Variants in SLC4A10 observed in about 807,000 individuals in gnomAD.
The protein encoded by SLC4A10 is solute carrier family 4 member 10.
A neutral mutation model predicts 137.7 loss-of-function variants in SLC4A10; 42 were observed. The observed-to-expected ratio is 0.30, with a 90% CI of 0.24 to 0.39. The LOEUF (loss-of-function observed/expected upper bound fraction) is 0.39, where lower values mean the gene tolerates loss of function less well. SLC4A10 is among the 10% of genes least tolerant of loss of function. The pLI, the probability that SLC4A10 is intolerant of heterozygous loss-of-function variation, is 1.00. For synonymous variants in SLC4A10, 474 were observed against 464.1 expected (o/e 1.02, Z -0.27); for missense variants, 925 against 1,355.0 (o/e 0.68, Z 4.98).
At chr2:161,715,650 A>G (rs903841437) in intron 1 of SLC4A10, among the ~76,000 whole-genome samples, 1 of 151,998 alleles carries the variant, frequency 6.6e-6, no homozygotes, top group African/African-American at 2.4e-5. Context: ...CTCCATCCAT[A>G]TCCCTGTAAA....
intron 3 of SLC4A10, among the ~76,000 whole-genome samples, chr2:161,834,040 G>T (rs2058604751): frequency 6.6e-6 from 1 of 152,204 alleles, no homozygotes; most frequent in Non-Finnish European, 1.5e-5. Context: ...GTTCCACCAT[G>T]ACCATTTCTG....
chr2:161,639,677 G>A (rs889411250), intron 1 of SLC4A10, among the ~76,000 whole-genome samples: 2 of 152,078 alleles, frequency 1.3e-5, no homozygotes, highest in African/African-American at 4.8e-5. Context: ...ACTTGAATGG[G>A]GAAAAGTAGA....
intron 15 of SLC4A10, among the ~76,000 whole-genome samples, chr2:161,916,004 G>A (rs1426613868): frequency 6.6e-6 from 1 of 152,148 alleles, no homozygotes; most frequent in Non-Finnish European, 1.5e-5. Flanking sequence ...AAGAGACCAT[G>A]TGAGGACACA....
intron 3 of SLC4A10, among the ~76,000 whole-genome samples, chr2:161,836,568 GAAA>G (rs1450665773): frequency 2.7e-5 from 3 of 109,352 alleles, no homozygotes; most frequent in African/African-American, 7.1e-5. Flanking sequence ...AAGAAAGAAA[GAAA>G]GAAAGAAAGA....
intron 7 of SLC4A10, chr2:161,873,681 G>T (rs1474938919): frequency 1.0e-5 from 4 of 400,978 alleles, no homozygotes; most frequent in Non-Finnish European, 1.8e-5. Flanking sequence ...CTTAGCACTG[G>T]CAATAATTAT....
rs1222040913 is a variant in SLC4A10 at position 161,984,187 on chromosome 2, T to C, written c.*1035T>C. 1 of 152,178 alleles carries C rather than the reference T, an allele frequency of 6.6e-6. No individual in the cohort carries two copies. Among genetic ancestry groups the C allele is most frequent in the African/African-American group, 2.4e-5 (1 of 41,450 alleles). 9.4% of individuals were successfully genotyped at this position (152,178 alleles called of 1,614,324 possible). ...AACAGCTCTCCAATTGTCATTTTTT[T>C]TCTGCAGAGTTTTTTTTTTCCACTT... On this transcript the variant is annotated 3_prime_UTR_variant, in exon 27 of 27. Transcript: ENST00000446997.
At chr2:161,638,235 T>TAG in intron 1 of SLC4A10, among the ~76,000 whole-genome samples, 1 of 152,136 alleles carries the variant, frequency 6.6e-6, no homozygotes, top group South Asian at 2.1e-4. Context: ...TTCCTCTACA[T>TAG]GTTTTCTTCT....
chr2:161,905,995 AT>A (rs1193239132), intron 15 of SLC4A10, 108 bp downstream of exon 15: 2 of 1,369,634 alleles, frequency 1.5e-6, no homozygotes, highest in African/African-American at 2.9e-5. Context: ...CCTTAAGTTG[AT>A]TCATGACCTA....
chr2:161,845,003 CTT>C (rs1415839998), intron 4 of SLC4A10, among the ~76,000 whole-genome samples: 1 of 152,074 alleles, frequency 6.6e-6, no homozygotes, highest in East Asian at 1.9e-4. Flanking sequence ...CTTTGAAACT[CTT>C]GTTTGCCTTG....
chr2:161,690,101 T>C (rs1419241400), intron 1 of SLC4A10, among the ~76,000 whole-genome samples: 2 of 151,954 alleles, frequency 1.3e-5, no homozygotes, highest in Non-Finnish European at 2.9e-5. Context: ...AACAAATTTA[T>C]AAGGAAAAAC....
chr2:161,923,619 A>T (rs1184846687), intron 15 of SLC4A10, among the ~76,000 whole-genome samples: 1 of 152,056 alleles, frequency 6.6e-6, no homozygotes, highest in African/African-American at 2.4e-5. Context: ...GTGGGAATTG[A>T]ACAATGAGAA....
chr2:161,768,234 C>T (rs1259189949), intron 1 of SLC4A10, among the ~76,000 whole-genome samples: 1 of 152,034 alleles, frequency 6.6e-6, no homozygotes, highest in African/African-American at 2.4e-5. Flanking sequence ...ACTGGATCCA[C>T]AGTGAGACAG....
chr2:161,912,887 A>G (rs936969576), intron 15 of SLC4A10, among the ~76,000 whole-genome samples: 3 of 151,228 alleles, frequency 2.0e-5, no homozygotes, highest in Non-Finnish European at 2.9e-5. Context: ...AGTCCTAGAG[A>G]TATTCTAAGG....
At chr2:161,716,039 G>C (rs190801270) in intron 1 of SLC4A10, among the ~76,000 whole-genome samples, 1 of 152,242 alleles carries the variant, frequency 6.6e-6, no homozygotes, top group Admixed American at 6.5e-5. Flanking sequence ...ACTGGCATGA[G>C]ATGGTATCTT....
chr2:161,927,356 C>T (rs543182336), intron 15 of SLC4A10, among the ~76,000 whole-genome samples: 2 of 152,264 alleles, frequency 1.3e-5, no homozygotes, highest in South Asian at 2.1e-4. Flanking sequence ...CACATCAGCT[C>T]CTGTGGCTTC....
intron 12 of SLC4A10, among the ~76,000 whole-genome samples, chr2:161,903,237 G>C (rs774059031): frequency 6.6e-6 from 1 of 152,068 alleles, no homozygotes; most frequent in Non-Finnish European, 1.5e-5. Flanking sequence ...AATATATTTG[G>C]AGTAAATGAA....
chr2:161,641,840 T>G (rs2035365545), intron 1 of SLC4A10, among the ~76,000 whole-genome samples: 1 of 152,058 alleles, frequency 6.6e-6, no homozygotes, highest in Non-Finnish European at 1.5e-5. Context: ...ATATCCACAT[T>G]GTCCATTAAA....
At chr2:161,625,463 G>C (rs1337816913) in intron 1 of SLC4A10, among the ~76,000 whole-genome samples, 1 of 151,932 alleles carries the variant, frequency 6.6e-6, no homozygotes, top group Non-Finnish European at 1.5e-5. Flanking sequence ...GACAGTCATA[G>C]CTTCCAGCCA....
intron 3 of SLC4A10, among the ~76,000 whole-genome samples, chr2:161,838,857 CT>C (rs2058989138): frequency 6.6e-6 from 1 of 152,164 alleles, no homozygotes. Flanking sequence ...TCTTGCATTG[CT>C]CCTGGGAATG....
Sources: gnomAD v4.1 joint callset for allele counts (sites outside exome capture counted in the v4.1 genomes callset) on GRCh38, gnomAD v4.1.1 for gene constraint, MANE v1.5 for transcripts, NCBI Gene and HGNC (gene_info 2026-07-23, HGNC 2026-07-21) for gene names.